Variants in SCAF8 observed in about 807,000 individuals in gnomAD.
SCAF8 encodes the protein SR-related and CTD-associated factor 8.
SCAF8 carries 23 observed loss-of-function variants against 140.5 expected under a neutral mutation model. That is an observed-to-expected ratio of 0.16 (90% CI 0.12 to 0.23). The LOEUF (loss-of-function observed/expected upper bound fraction) is 0.23. SCAF8 is among the 10% of genes least tolerant of loss of function. The probability of loss-of-function intolerance (pLI) is 1.00; values close to 1 mark genes in which losing one functional copy is unlikely to be tolerated. For synonymous variants in SCAF8, 575 were observed against 528.9 expected, an observed-to-expected ratio of 1.09 and a Z score of -1.20; for missense variants, 1,397 against 1,555.7, an observed-to-expected ratio of 0.90 and a Z score of 1.72.
chr6:154,828,749 G>A (rs980356864), intron 18 of SCAF8, among the ~76,000 whole-genome samples: 5 of 151,988 alleles, frequency 3.3e-5, no homozygotes, highest in South Asian at 2.1e-4. Flanking sequence ...TTGGGTTTTC[G>A]TCGAGTCTAG....
chr6:154,734,870 A>G (rs1778369692), intron 1 of SCAF8, among the ~76,000 whole-genome samples: 1 of 152,204 alleles, frequency 6.6e-6, no homozygotes, highest in Non-Finnish European at 1.5e-5. Flanking sequence ...CAGGCCTGTA[A>G]TCCCAGCACT....
intron 1 of SCAF8, among the ~76,000 whole-genome samples, chr6:154,773,572 TATC>T (rs1776834736): frequency 6.6e-6 from 1 of 152,232 alleles, no homozygotes; most frequent in Non-Finnish European, 1.5e-5. Flanking sequence ...CGGGAAAAAG[TATC>T]ATGTACAAGT....
At chr6:154,792,416 CA>C (rs1166178503) in intron 4 of SCAF8, among the ~76,000 whole-genome samples, 2 of 152,122 alleles carry the variant, frequency 1.3e-5, no homozygotes, top group Non-Finnish European at 2.9e-5. Flanking sequence ...CGTATTTGTT[CA>C]AAAGATAGAC....
chr6:154,777,918 G>A (rs1292644173), intron 2 of SCAF8, 83 bp from the exon 3 acceptor site: 3 of 797,946 alleles, frequency 3.8e-6, no homozygotes, highest in Non-Finnish European at 2.1e-6. Context: ...GACCTTTGGA[G>A]CATGTAAAAC....
intron 6 of SCAF8, among the ~76,000 whole-genome samples, chr6:154,799,837 G>T (rs1777718546): frequency 6.6e-6 from 1 of 151,086 alleles, no homozygotes; most frequent in South Asian, 2.1e-4. Flanking sequence ...AGGCTGGAGT[G>T]TAATTGGCGC....
At chr6:154,759,045 C>G (rs986112372) in intron 1 of SCAF8, among the ~76,000 whole-genome samples, 1 of 152,128 alleles carries the variant, frequency 6.6e-6, no homozygotes, top group Non-Finnish European at 1.5e-5. Flanking sequence ...TGCACAGCCA[C>G]CCACCCCGTC....
intron 1 of SCAF8, among the ~76,000 whole-genome samples, chr6:154,759,198 C>T (rs1311146488): frequency 1.3e-5 from 2 of 152,114 alleles, no homozygotes; most frequent in East Asian, 1.9e-4. Flanking sequence ...AGCAAGGCCT[C>T]GTAGTTTGGT....
In SCAF8 at chr6:154,790,489, A is replaced by ATTTTTTTTT. The variant is rs57095332; in HGVS notation, c.322-2303_322-2295dup. Reference sequence around the variant, plus strand: ...TTGTAAAACATATACATTTAACAGAATTTTTTTTTTTTTTTTTTTTTTTTT... The same window carrying ATTTTTTTTT: ...TTGTAAAACATATACATTTAACAGAATTTTTTTTTTTTTTTTTTTTTTTTTTTTTTTTTT... On this transcript the variant is annotated intron_variant, in intron 4 of 19. Transcript: ENST00000367178. 9.9e-4 allele frequency among the ~76,000 whole-genome samples: 70 copies of ATTTTTTTTT among 70,872 alleles called. 7 individuals are homozygous for ATTTTTTTTT. Among genetic ancestry groups the ATTTTTTTTT allele is most frequent in the Admixed American group, 1.3e-3 (6 of 4,500 alleles). The allele number at this position is 70,872 out of a possible 152,430, so 46.5% of individuals were successfully genotyped here. A position where few individuals can be genotyped will look rare whatever the true frequency, so the allele number is the denominator to read the frequency against.
chr6:154,800,129 A>G (rs1486154335), intron 6 of SCAF8, among the ~76,000 whole-genome samples: 1 of 151,192 alleles, frequency 6.6e-6, no homozygotes, highest in Non-Finnish European at 1.5e-5. Flanking sequence ...GTCATTGTTT[A>G]CACTCCCGTT....
Position 154,787,922 on chromosome 6 carries a change from G to A in SCAF8, c.221G>A (p.Arg74Gln), listed in dbSNP as rs1010072678. Residue 74 changes from arginine to glutamine, a missense_variant, in exon 4 of 20, where the codon CGA becomes CAA. Around this residue, in one of 5 missense-constraint regions of SCAF8, gnomAD observed 43 missense variants for 142.1 expected, o/e 0.30. Transcript: ENST00000367178. ...YVIDSIVRQS[R>Q]HQFGQEKDVF... ...ATTGACTCCATTGTGCGACAATCCC[G>A]ACATCAGTTTGGTCAAGAAAAGGAT... The A allele has an allele frequency of 1.2e-6, 2 of 1,613,448 alleles. No individual in the cohort carries two copies. The highest frequency in any genetic ancestry group is 1.7e-5 in the Admixed American group (1 of 59,980).
chr6:154,806,439 G>C (rs1370157642), intron 9 of SCAF8, among the ~76,000 whole-genome samples: 1 of 152,092 alleles, frequency 6.6e-6, no homozygotes, highest in Non-Finnish European at 1.5e-5. Context: ...AAATATTTTT[G>C]AGTATGTGTT....
chr6:154,759,822 C>T (rs948945005), intron 1 of SCAF8, among the ~76,000 whole-genome samples: 5 of 152,064 alleles, frequency 3.3e-5, no homozygotes, highest in East Asian at 3.9e-4. Context: ...CCTGCCACCA[C>T]GCCCGGCTAA....
rs755181667 is a variant in SCAF8, at chr6:154,832,858, G to C, written c.3279G>C (p.Trp1093Cys). 1 of 1,614,012 alleles carries C rather than the reference G, an allele frequency of 6.2e-7. No homozygotes were observed. Among genetic ancestry groups the C allele is most frequent in the Admixed American group, 1.7e-5 (1 of 60,018 alleles). The stretch of plus-strand genomic sequence containing the variant: ...TTGGCTTTAATCCAGAGAAGCCCTG[G>C]GGGCATAGAGGAGATTTTGATGAGA... ...DHFGFNPEKPWGHRGDFDERE... is the reference protein window; with the variant it reads ...DHFGFNPEKPCGHRGDFDERE... Residue 1093 changes from tryptophan to cysteine, a missense_variant, in exon 20 of 20, where the codon TGG (tryptophan) becomes TGC (cysteine). Around this residue, in one of 5 missense-constraint regions of SCAF8, gnomAD observed 930 missense variants for 874.6 expected, o/e 1.06. Transcript: ENST00000367178.
intron 17 of SCAF8, among the ~76,000 whole-genome samples, chr6:154,825,871 A>G (rs1778552225): frequency 6.6e-6 from 1 of 152,160 alleles, no homozygotes; most frequent in African/African-American, 2.4e-5. Flanking sequence ...TGAGATACGC[A>G]TTTAAGTTAT....
At chr6:154,797,104 A>C (rs544824834) in intron 6 of SCAF8, among the ~76,000 whole-genome samples, 47 of 151,954 alleles carry the variant, frequency 3.1e-4, no homozygotes, top group African/African-American at 1.0e-3. Flanking sequence ...TTCCTGAATA[A>C]ATTTTATAAT....
chr6:154,736,743 T>A (rs1260791831), intron 1 of SCAF8, among the ~76,000 whole-genome samples: 2 of 152,142 alleles, frequency 1.3e-5, no homozygotes, highest in Admixed American at 6.5e-5. Context: ...TTCACCTGTT[T>A]TCTCATTTTA....
At chr6:154,818,458 T>C (rs1445919914) in intron 13 of SCAF8, 21 bp from the exon 14 acceptor site, 8 of 1,455,756 alleles carry the variant, frequency 5.5e-6, no homozygotes, top group Non-Finnish European at 7.6e-6. Flanking sequence ...TACCTTTTCT[T>C]AAAACAATTT....
At chr6:154,770,388 A>ACACACTCTCTCTCTCTCTCTCTCTCTCC (rs1384942827) in intron 1 of SCAF8, among the ~76,000 whole-genome samples, 1 of 141,918 alleles carries the variant, frequency 7.0e-6, no homozygotes, top group South Asian at 2.3e-4. Flanking sequence ...ACACACACAC[A>ACACACTCTCTCTCTCTCTCTCTCTCTCC]CTCTCTCTCT....
intron 1 of SCAF8, among the ~76,000 whole-genome samples, chr6:154,766,507 C>G (rs933326159): frequency 3.3e-5 from 5 of 152,108 alleles, no homozygotes; most frequent in Non-Finnish European, 7.4e-5. Flanking sequence ...TTTTCTGGCA[C>G]TGCTTCTTCT....
Sources: allele counts gnomAD v4.1 joint callset (sites outside exome capture counted in the v4.1 genomes callset), GRCh38; gene constraint gnomAD v4.1.1; regional missense constraint gnomAD v4.1.1; transcripts MANE v1.5; gene names NCBI Gene and HGNC (gene_info 2026-07-23, HGNC 2026-07-21).